Variants in RPH3A observed in about 807,000 individuals in gnomAD.
RPH3A encodes the protein rabphilin-3A.
Under a neutral mutation model 102.2 loss-of-function variants are expected in RPH3A, and 48 were observed. The observed-to-expected ratio is 0.47, with a 90% CI of 0.37 to 0.60. RPH3A has a LOEUF of 0.60. RPH3A is among the 20% of genes least tolerant of loss of function. The probability of loss-of-function intolerance (pLI) is 0.00; values close to 1 mark genes in which losing one functional copy is unlikely to be tolerated. For missense variants in RPH3A, 781 were observed against 910.1 expected (o/e 0.86, Z 1.83); for synonymous variants, 310 against 324.3 (o/e 0.96, Z 0.47).
At chr12:112,869,318 A>G (rs1281264220) in intron 8 of RPH3A, 4 of 163,974 alleles carry the variant, frequency 2.4e-5, no homozygotes, top group Non-Finnish European at 4.0e-5. Context: ...CGTTTTTCAT[A>G]AGATAACTTA....
At chr12:112,632,299 C>T (rs530357675) in intron 1 of RPH3A, among the ~76,000 whole-genome samples, 5 of 152,148 alleles carry the variant, frequency 3.3e-5, no homozygotes, top group Non-Finnish European at 7.4e-5. Flanking sequence ...AGTGTGAAAA[C>T]GGACTCATAC....
chr12:112,591,250 T>A (rs1386899319), intron 1 of RPH3A, among the ~76,000 whole-genome samples: 1 of 151,530 alleles, frequency 6.6e-6, no homozygotes, highest in Non-Finnish European at 1.5e-5. Context: ...CACACCCAGA[T>A]AATTAAAAAA....
At chr12:112,828,922 C>T (rs2041924514) in intron 3 of RPH3A, among the ~76,000 whole-genome samples, 1 of 152,198 alleles carries the variant, frequency 6.6e-6, no homozygotes, top group Non-Finnish European at 1.5e-5. Flanking sequence ...CCTGACAACA[C>T]TGGACTACAA....
intron 1 of RPH3A, among the ~76,000 whole-genome samples, chr12:112,752,638 A>G (rs2040792572): frequency 1.3e-5 from 2 of 150,974 alleles, no homozygotes; most frequent in Admixed American, 6.6e-5. Flanking sequence ...ATTTCAAAAA[A>G]TAATTTTAAA....
chr12:112,859,366 G>T (rs960609810), intron 5 of RPH3A, among the ~76,000 whole-genome samples: 2 of 152,202 alleles, frequency 1.3e-5, no homozygotes, highest in Non-Finnish European at 2.9e-5. Flanking sequence ...CTTCAAAAAT[G>T]CACTTTCTTC....
chr12:112,658,335 C>T (rs540699252), intron 1 of RPH3A, among the ~76,000 whole-genome samples: 1 of 152,052 alleles, frequency 6.6e-6, no homozygotes. Context: ...TGCCACCATG[C>T]CTGGCTAATT....
intron 1 of RPH3A, among the ~76,000 whole-genome samples, chr12:112,747,032 G>C (rs528476697): frequency 6.6e-6 from 1 of 152,260 alleles, no homozygotes; most frequent in Admixed American, 6.5e-5. Flanking sequence ...CTTTAGGTCT[G>C]AGTTTAAATG....
chr12:112,637,600 G>A (rs769180248), intron 1 of RPH3A, among the ~76,000 whole-genome samples: 47 of 152,264 alleles, frequency 3.1e-4, no homozygotes, highest in South Asian at 6.2e-4. Context: ...TGCATATTAT[G>A]CTAATAGGAA....
At chr12:112,738,044 G>T (rs907069264) in intron 1 of RPH3A, among the ~76,000 whole-genome samples, 3 of 152,110 alleles carry the variant, frequency 2.0e-5, no homozygotes, top group Non-Finnish European at 2.9e-5. Flanking sequence ...GTCCTTCCTG[G>T]TTTCTTTCAG....
intron 1 of RPH3A, among the ~76,000 whole-genome samples, chr12:112,768,462 C>T (rs1188910457): frequency 6.6e-6 from 1 of 152,252 alleles, no homozygotes; most frequent in East Asian, 1.9e-4. Context: ...CTCCTCACAC[C>T]TATGCCAGGC....
intron 3 of RPH3A, among the ~76,000 whole-genome samples, chr12:112,835,040 T>C (rs1005077076): frequency 1.4e-4 from 22 of 152,320 alleles, no homozygotes; most frequent in African/African-American, 4.6e-4. Context: ...AAGTTTGCTT[T>C]AATTTTTCTA....
chr12:112,597,872 T>G (rs2039528939), intron 1 of RPH3A, among the ~76,000 whole-genome samples: 1 of 152,150 alleles, frequency 6.6e-6, no homozygotes, highest in Non-Finnish European at 1.5e-5. Flanking sequence ...GAAAAGAGGA[T>G]TCCTAGACCT....
chr12:112,827,336 G>C (rs909607478), intron 2 of RPH3A, among the ~76,000 whole-genome samples: 1 of 152,162 alleles, frequency 6.6e-6, no homozygotes, highest in African/African-American at 2.4e-5. Context: ...GCTTCTTTCA[G>C]TTAGCATCAT....
At chr12:112,699,841 C>A (rs768220376) in intron 1 of RPH3A, among the ~76,000 whole-genome samples, 1 of 152,176 alleles carries the variant, frequency 6.6e-6, no homozygotes, top group African/African-American at 2.4e-5. Context: ...CTTCTAGGAG[C>A]TGGTGGGTTT....
chr12:112,761,563 G>C (rs991196278), intron 1 of RPH3A, among the ~76,000 whole-genome samples: 5 of 152,256 alleles, frequency 3.3e-5, no homozygotes, highest in African/African-American at 1.2e-4. Context: ...GACTGGGAGT[G>C]GGGAGAAGTG....
chr12:112,764,678 GTAT>G (rs534010884), intron 1 of RPH3A, among the ~76,000 whole-genome samples: 4 of 151,198 alleles, frequency 2.6e-5, no homozygotes, highest in Admixed American at 6.6e-5. Context: ...TCTACCTGAG[GTAT>G]TATTATTATT....
intron 13 of RPH3A, among the ~76,000 whole-genome samples, chr12:112,878,114 C>T (rs1270134544): frequency 6.6e-6 from 1 of 152,186 alleles, no homozygotes; most frequent in African/African-American, 2.4e-5. Context: ...CCTGTGCACT[C>T]CCATGGATCA....
intron 1 of RPH3A, among the ~76,000 whole-genome samples, chr12:112,704,045 C>A (rs957180451): frequency 2.6e-5 from 4 of 151,988 alleles, no homozygotes; most frequent in Admixed American, 6.6e-5. Context: ...CAGTGAGACA[C>A]CCCTCTTTTC....
At chr12:112,628,610 A>G (rs1239830687) in intron 1 of RPH3A, among the ~76,000 whole-genome samples, 3 of 99,734 alleles carry the variant, frequency 3.0e-5, no homozygotes, top group Non-Finnish European at 5.8e-5. Flanking sequence ...AAAAAAAAAA[A>G]TCAGCAGGGT....
Sources: allele counts gnomAD v4.1 joint callset (sites outside exome capture counted in the v4.1 genomes callset), GRCh38; gene constraint gnomAD v4.1.1; transcripts MANE v1.5; gene names NCBI Gene and HGNC (gene_info 2026-07-23, HGNC 2026-07-21).